ZDHHC2: variants seen among roughly 807,000 people sequenced by gnomAD.
The protein encoded by ZDHHC2 is palmitoyltransferase ZDHHC2.
In ZDHHC2, 51 loss-of-function variants were observed where a neutral mutation model predicts 55.6. That is an observed-to-expected ratio of 0.92 (90% CI 0.73 to 1.16). ZDHHC2 has a LOEUF of 1.16. Ranked by LOEUF, ZDHHC2 falls within the 50% of genes most tolerant of loss-of-function variation. The pLI is 0.00. For synonymous variants in ZDHHC2, 199 were observed against 152.9 expected (o/e 1.30, Z -2.22); for missense variants, 491 against 442.4 (o/e 1.11, Z -0.99).
At chr8:17,180,408 T>C (rs1488200769) in intron 1 of ZDHHC2, among the ~76,000 whole-genome samples, 1 of 152,210 alleles carries the variant, frequency 6.6e-6, no homozygotes, top group East Asian at 1.9e-4. Flanking sequence ...ATTTTTCACC[T>C]TTTATTTTCA....
At chr8:17,197,479 A>G (rs966781670) in intron 4 of ZDHHC2, 103 bp from the exon 5 acceptor site, 3 of 1,000,642 alleles carry the variant, frequency 3.0e-6, no homozygotes, top group African/African-American at 3.3e-5. Context: ...TTTAAATTTC[A>G]TATGCTTTTT....
In ZDHHC2 at chr8:17,209,930, A is replaced by T; in HGVS notation, c.731-2A>T. The T allele has an allele frequency of 6.2e-7, 1 of 1,603,280 alleles. No individual in the cohort carries two copies. The highest frequency in any genetic ancestry group is 1.1e-5 in the South Asian group (1 of 88,614). ...TGTGATTCCTTTACCATCTTTTTTT[A>T]GAGGCATTCAGAAGTCCAGTATTTC... On this transcript the variant is annotated splice_acceptor_variant, in intron 8 of 12. Coordinates refer to ENST00000262096, the MANE Select transcript of ZDHHC2 (RefSeq NM_016353.5). LOFTEE classifies it high-confidence loss of function.
At position 17,223,768 on chromosome 8, in the gene ZDHHC2, A is replaced by G. The variant is rs1398644128; in HGVS notation, c.*3547A>G. 1 of 151,854 alleles carries G rather than the reference A, an allele frequency of 6.6e-6. No individual in the cohort carries two copies. The highest frequency in any genetic ancestry group is 2.4e-5 in the African/African-American group (1 of 41,426). 9.4% of individuals were successfully genotyped at this position (151,854 alleles called of 1,614,324 possible). On this transcript the variant is annotated 3_prime_UTR_variant, in exon 13 of 13. Transcript: ENST00000262096. The stretch of plus-strand genomic sequence containing the variant: ...TGTTCCCCACCAGATTTCCTTTAGA[A>G]TTTATTACCAAAGGATCTTATTTTG...
intron 10 of ZDHHC2, among the ~76,000 whole-genome samples, chr8:17,210,717 A>G (rs1010595964): frequency 1.2e-4 from 18 of 152,182 alleles, no homozygotes; most frequent in Admixed American, 6.5e-4. Context: ...AATTGTCTAT[A>G]CATTTTGGTT....
At chr8:17,170,875 A>C (rs1361649533) in intron 1 of ZDHHC2, among the ~76,000 whole-genome samples, 1 of 152,240 alleles carries the variant, frequency 6.6e-6, no homozygotes, top group Non-Finnish European at 1.5e-5. Context: ...ATACATCCAC[A>C]CATATATAAG....
chr8:17,211,370 C>T (rs898534374), intron 10 of ZDHHC2, among the ~76,000 whole-genome samples: 1 of 152,148 alleles, frequency 6.6e-6, no homozygotes, highest in Non-Finnish European at 1.5e-5. Flanking sequence ...CCATATTGAA[C>T]ATTTCTTACT....
intron 1 of ZDHHC2, among the ~76,000 whole-genome samples, chr8:17,173,926 G>A (rs952248864): frequency 6.6e-5 from 10 of 151,978 alleles, no homozygotes; most frequent in Non-Finnish European, 5.9e-5. Flanking sequence ...CTTATCCAAC[G>A]TGACTTGCTG....
rs1804077548 is a variant in ZDHHC2, at chr8:17,156,859, T to G, written c.130+6T>G. 6.7e-7 allele frequency: 1 copy of G among 1,490,602 alleles called. No homozygotes were observed. Among genetic ancestry groups the G allele is most frequent in the African/African-American group, 1.5e-5 (1 of 68,048 alleles). 92.3% of individuals were successfully genotyped at this position (1,490,602 alleles called of 1,614,324 possible). On this transcript the variant is annotated splice_donor_region_variant and intron_variant, in intron 1 of 12. Coordinates refer to ENST00000262096, the MANE Select transcript of ZDHHC2 (RefSeq NM_016353.5). ...CGCCATCCAGCTGTGCATAGGTGAGTGCGCCCCCCGCCGCGGCGCCCCCAG... is the reference window on the plus strand; with the variant it reads ...CGCCATCCAGCTGTGCATAGGTGAGGGCGCCCCCCGCCGCGGCGCCCCCAG...
chr8:17,185,464 C>T (rs761033145), intron 2 of ZDHHC2, among the ~76,000 whole-genome samples: 1 of 151,906 alleles, frequency 6.6e-6, no homozygotes, highest in Non-Finnish European at 1.5e-5. Context: ...CAAGACCAGC[C>T]TGGCCAGCAT....
chr8:17,163,827 G>T (rs965044274), intron 1 of ZDHHC2, among the ~76,000 whole-genome samples: 3 of 152,148 alleles, frequency 2.0e-5, no homozygotes, highest in African/African-American at 4.8e-5. Context: ...TTAATATTAT[G>T]TGGAATTCTG....
intron 1 of ZDHHC2, among the ~76,000 whole-genome samples, chr8:17,169,369 CT>C (rs1162092308): frequency 6.6e-6 from 1 of 151,900 alleles, no homozygotes; most frequent in African/African-American, 2.4e-5. Context: ...TATGAGAGTG[CT>C]GGTCATCGGG....
At chr8:17,195,434 T>C (rs765765515) in intron 3 of ZDHHC2, 70 bp from the exon 4 acceptor site, 18 of 1,492,480 alleles carry the variant, frequency 1.2e-5, no homozygotes, top group Non-Finnish European at 1.5e-5. Flanking sequence ...CTTTTCCGGG[T>C]ATGGTAGAGA....
chr8:17,174,033 C>G (rs1804999112), intron 1 of ZDHHC2, among the ~76,000 whole-genome samples: 1 of 151,558 alleles, frequency 6.6e-6, no homozygotes, highest in Non-Finnish European at 1.5e-5. Flanking sequence ...GGAGAGAGAC[C>G]TAGGAAGAGA....
intron 6 of ZDHHC2, among the ~76,000 whole-genome samples, chr8:17,205,150 C>T (rs2150938334): frequency 6.6e-6 from 1 of 152,324 alleles, no homozygotes; most frequent in East Asian, 1.9e-4. Flanking sequence ...GCCAGGCCTA[C>T]TTCTTTTCTT....
intron 1 of ZDHHC2, among the ~76,000 whole-genome samples, chr8:17,167,095 A>G (rs1197966231): frequency 6.6e-6 from 1 of 152,154 alleles, no homozygotes; most frequent in Non-Finnish European, 1.5e-5. Flanking sequence ...ACAGAGGTTA[A>G]CACGTACTAA....
intron 1 of ZDHHC2, among the ~76,000 whole-genome samples, chr8:17,160,267 C>T (rs774459355): frequency 6.6e-6 from 1 of 152,210 alleles, no homozygotes; most frequent in African/African-American, 2.4e-5. Flanking sequence ...TCCACATACA[C>T]TTGTGTAACC....
chr8:17,186,323 C>A lies in ZDHHC2; in HGVS notation c.158-8C>A, dbSNP rs772414711. ...ATTATAATGATAATTATGTTTTTCT[C>A]ATTTTAGTTGTGTGCCTGATGGCCT... On this transcript the variant is annotated splice_polypyrimidine_tract_variant and splice_region_variant and intron_variant, in intron 2 of 12. Coordinates refer to ENST00000262096, the MANE Select transcript of ZDHHC2 (RefSeq NM_016353.5). The A allele has an allele frequency of 6.4e-7, 1 of 1,569,264 alleles. No individual in the cohort carries two copies.
chr8:17,215,760 C>A (rs1057418279), intron 11 of ZDHHC2, among the ~76,000 whole-genome samples: 1 of 152,192 alleles, frequency 6.6e-6, no homozygotes, highest in Non-Finnish European at 1.5e-5. Context: ...TTCAAAATGT[C>A]TGAGTAAAGT....
intron 1 of ZDHHC2, among the ~76,000 whole-genome samples, chr8:17,175,790 C>T (rs190042804): frequency 1.1e-3 from 166 of 152,184 alleles, no homozygotes; most frequent in African/African-American, 3.3e-3. Flanking sequence ...TGCTAAGAGA[C>T]GAATAATGTA....
Sources: allele counts gnomAD v4.1 joint callset (sites outside exome capture counted in the v4.1 genomes callset), GRCh38; gene constraint gnomAD v4.1.1; transcripts MANE v1.5; gene names NCBI Gene and HGNC (gene_info 2026-07-23, HGNC 2026-07-21).